Variants in ROBO2 observed in about 807,000 individuals in gnomAD.
The protein encoded by ROBO2 is roundabout homolog 2.
In ROBO2, 53 loss-of-function variants were observed where a neutral mutation model predicts 160.8. The observed-to-expected ratio is 0.33, with a 90% CI of 0.26 to 0.41. The LOEUF (loss-of-function observed/expected upper bound fraction) is 0.41. Among genes scored for constraint, ROBO2 ranks in the 10% least tolerant of loss-of-function variants. The probability of loss-of-function intolerance (pLI) is 1.00; values close to 1 mark genes in which losing one functional copy is unlikely to be tolerated. For missense variants in ROBO2, 1,577 were observed against 1,722.4 expected (o/e 0.92, Z 1.49); for synonymous variants, 664 against 611.7 (o/e 1.09, Z -1.26).
chr3:76,492,267 G>T (rs2079872078), intron 2 of ROBO2, among the ~76,000 whole-genome samples: 1 of 152,080 alleles, frequency 6.6e-6, no homozygotes, highest in Non-Finnish European at 1.5e-5. Context: ...TATCAATCTG[G>T]TTTCAATATT....
chr3:77,508,538 T>A (rs540193204), intron 5 of ROBO2, among the ~76,000 whole-genome samples: 27 of 151,132 alleles, frequency 1.8e-4, no homozygotes, highest in Non-Finnish European at 3.4e-4. Flanking sequence ...CTAGAATGAC[T>A]GTAGTTGATA....
At chr3:77,598,057 G>A (rs1469909834) in intron 19 of ROBO2, among the ~76,000 whole-genome samples, 1 of 152,106 alleles carries the variant, frequency 6.6e-6, no homozygotes, top group East Asian at 1.9e-4. Context: ...GAATAGTGCT[G>A]TAATCCAAGC....
rs1282661586 is a variant in ROBO2 at position 77,558,164 on chromosome 3, A to AC, written c.1437+16dup. The AC allele has an allele frequency of 2.5e-6, 4 of 1,603,280 alleles. No homozygotes were observed. The highest frequency in any genetic ancestry group is 1.3e-5 in the African/African-American group (1 of 74,640). On this transcript the variant is annotated intron_variant, in intron 9 of 25. Coordinates refer to ENST00000461745, the Ensembl canonical transcript of ROBO2. ...AGAATTTACGGGTAAGTAATATTGG[A>AC]CTTGTACATGAATTATCATCTACAC...
At chr3:77,149,360 C>T (rs897523183) in intron 2 of ROBO2, among the ~76,000 whole-genome samples, 1 of 152,036 alleles carries the variant, frequency 6.6e-6, no homozygotes, top group African/African-American at 2.4e-5. Context: ...TGGTATCTCG[C>T]AAACATATGT....
At chr3:76,443,667 C>T (rs1262033613) in intron 2 of ROBO2, among the ~76,000 whole-genome samples, 2 of 152,078 alleles carry the variant, frequency 1.3e-5, no homozygotes, top group Non-Finnish European at 2.9e-5. Flanking sequence ...CAGCTTCAGT[C>T]CAATTTTTTT....
intron 2 of ROBO2, among the ~76,000 whole-genome samples, chr3:76,948,902 ATATATATTTTTTT>A (rs1399054527): frequency 0.02 from 860 of 42,704 alleles, 3 homozygotes; most frequent in Middle Eastern, 0.042. Flanking sequence ...ATATATATAT[ATATATATTTTTTT>A]TTTTTTTTTT....
intron 2 of ROBO2, among the ~76,000 whole-genome samples, chr3:77,385,451 T>C (rs1456846342): frequency 6.6e-6 from 1 of 152,248 alleles, no homozygotes; most frequent in Non-Finnish European, 1.5e-5. Context: ...CTTTTCAATA[T>C]CCCATTGTAA....
At chr3:77,426,415 G>T (rs553427962) in intron 2 of ROBO2, among the ~76,000 whole-genome samples, 1 of 152,044 alleles carries the variant, frequency 6.6e-6, no homozygotes, top group South Asian at 2.1e-4. Context: ...CCTGATTGTC[G>T]TGAAGGTTAA....
intron 2 of ROBO2, among the ~76,000 whole-genome samples, chr3:76,699,612 C>A (rs1292547863): frequency 6.6e-6 from 1 of 152,110 alleles, no homozygotes; most frequent in Non-Finnish European, 1.5e-5. Flanking sequence ...CTTTTTTAGT[C>A]CCATCTGCTC....
intron 2 of ROBO2, among the ~76,000 whole-genome samples, chr3:77,301,455 T>C (rs1482304155): frequency 6.6e-6 from 1 of 152,166 alleles, no homozygotes; most frequent in Non-Finnish European, 1.5e-5. Flanking sequence ...CTTCTGAAAT[T>C]GCATATGCAT....
chr3:77,563,371 G>T, intron 11 of ROBO2, 42 bp downstream of exon 12: 4 of 1,589,556 alleles, frequency 2.5e-6, no homozygotes, highest in Non-Finnish European at 3.5e-6. Context: ...TTTTGTCTTA[G>T]CTCCTTTATT....
At position 77,478,006 on chromosome 3, in the gene ROBO2, T is replaced by TTG. The variant is rs568844548; in HGVS notation, c.546+437_546+438dup. On this transcript the variant is annotated intron_variant, in intron 3 of 25. Coordinates refer to ENST00000461745, the Ensembl canonical transcript of ROBO2. ...CACGCCCAGCTATTTTTTGTATTTT[T>TTG]TGTAGAGATGGGGTTTCACCATGTT... Among the ~76,000 whole-genome samples the TTG allele has an allele frequency of 9.9e-5, 15 of 152,130 alleles. No individual in the cohort carries two copies. The East Asian group carries it at 2.3e-3, about 24-fold the overall frequency.
Position 76,073,267 on chromosome 3 carries a change from C to CTTTTTTTTT in ROBO2, c.109+135701_109+135709dup, listed in dbSNP as rs869307615. ...TTGTAAACTTCTCAGAATGAGTATT[C>CTTTTTTTTT]TTTTTTTTTTTTTTTTTTTTTTTTT... On this transcript the variant is annotated intron_variant, in intron 2 of 26. Coordinates refer to the ROBO2 transcript ENST00000487694. 1.0e-3 allele frequency among the ~76,000 whole-genome samples: 60 copies of CTTTTTTTTT among 57,400 alleles called. 12 individuals carry two copies. Among genetic ancestry groups the CTTTTTTTTT allele is most frequent in the Non-Finnish European group, 1.7e-3 (49 of 28,422 alleles). The allele number at this position is 57,400 out of a possible 152,430, so 37.7% of individuals were successfully genotyped here. A position where few individuals can be genotyped will look rare whatever the true frequency, so the allele number is the denominator to read the frequency against.
intron 2 of ROBO2, among the ~76,000 whole-genome samples, chr3:77,304,719 T>C (rs1427221964): frequency 1.3e-5 from 2 of 152,152 alleles, no homozygotes; most frequent in African/African-American, 4.8e-5. Context: ...GGACCTTAAA[T>C]TGGAAGAACC....
At chr3:76,436,639 A>C (rs1216995431) in intron 2 of ROBO2, among the ~76,000 whole-genome samples, 1 of 152,174 alleles carries the variant, frequency 6.6e-6, no homozygotes, top group East Asian at 1.9e-4. Context: ...GATGTGCTTA[A>C]AGTTATACAG....
At chr3:76,834,086 C>CT (rs769291573) in intron 2 of ROBO2, among the ~76,000 whole-genome samples, 5 of 110,206 alleles carry the variant, frequency 4.5e-5, no homozygotes, top group Admixed American at 1.0e-4. Context: ...TTCTTTCTTT[C>CT]TTTCTTTCTT....
At chr3:76,080,801 AAAG>A (rs1304510015) in intron 2 of ROBO2, among the ~76,000 whole-genome samples, 1 of 152,230 alleles carries the variant, frequency 6.6e-6, no homozygotes, top group Non-Finnish European at 1.5e-5. Context: ...TTATGCAAAC[AAAG>A]AAGAGAAAAT....
chr3:77,341,691 G>T (rs1263033653), intron 2 of ROBO2, among the ~76,000 whole-genome samples: 2 of 152,104 alleles, frequency 1.3e-5, no homozygotes, highest in Admixed American at 1.3e-4. Flanking sequence ...ATTTGACAGT[G>T]TTGGAAAAGT....
chr3:76,357,281 G>C (rs980444213), intron 2 of ROBO2, among the ~76,000 whole-genome samples: 1 of 152,072 alleles, frequency 6.6e-6, no homozygotes, highest in African/African-American at 2.4e-5. Flanking sequence ...ATAAGCAGGA[G>C]TAAAACACTG....
Sources: gnomAD v4.1 joint callset for allele counts (sites outside exome capture counted in the v4.1 genomes callset) on GRCh38, gnomAD v4.1.1 for gene constraint, MANE v1.5 for transcripts, NCBI Gene and HGNC (gene_info 2026-07-23, HGNC 2026-07-21) for gene names.